SRGAP1: variants seen among roughly 807,000 people sequenced by gnomAD.
SRGAP1 encodes SLIT-ROBO Rho GTPase activating protein 1.
A neutral mutation model predicts 121.9 loss-of-function variants in SRGAP1; 43 were observed. The observed-to-expected ratio is 0.35, with a 90% CI of 0.28 to 0.46. The LOEUF (loss-of-function observed/expected upper bound fraction) is 0.46. Ranked by LOEUF, SRGAP1 falls within the 20% of genes least tolerant of loss-of-function variation. The pLI, the probability that SRGAP1 is intolerant of heterozygous loss-of-function variation, is 1.00. For missense variants in SRGAP1, 1,102 were observed against 1,350.9 expected, an observed-to-expected ratio of 0.82 and a Z score of 2.89; for synonymous variants, 447 against 485.4, an observed-to-expected ratio of 0.92 and a Z score of 1.04.
At chr12:63,949,881 C>G (rs1158136065) in intron 1 of SRGAP1, among the ~76,000 whole-genome samples, 2 of 152,148 alleles carry the variant, frequency 1.3e-5, no homozygotes, top group East Asian at 3.8e-4. Context: ...GGAATCCAAA[C>G]TAATATACAC....
At chr12:63,952,747 A>G (rs2032338564) in intron 1 of SRGAP1, among the ~76,000 whole-genome samples, 1 of 152,186 alleles carries the variant, frequency 6.6e-6, no homozygotes. Context: ...GAGGTGCTGA[A>G]TAAACCTAAA....
At chr12:63,943,796 A>T (rs1303695601) in intron 1 of SRGAP1, among the ~76,000 whole-genome samples, 1 of 152,208 alleles carries the variant, frequency 6.6e-6, no homozygotes, top group African/African-American at 2.4e-5. Flanking sequence ...GCCAACCAAC[A>T]TTTAGGTGAT....
intron 1 of SRGAP1, among the ~76,000 whole-genome samples, chr12:63,949,008 A>G (rs57575555): frequency 9.1e-5 from 9 of 98,758 alleles, no homozygotes; most frequent in African/African-American, 3.1e-4. Context: ...TTCCATATAT[A>G]TATTCATATA....
chr12:64,056,072 T>C (rs1051589408), intron 6 of SRGAP1, among the ~76,000 whole-genome samples: 4 of 152,156 alleles, frequency 2.6e-5, no homozygotes, highest in African/African-American at 9.7e-5. Context: ...ACAACATTCT[T>C]CTTAGTCATG....
chr12:64,095,228 A>G (rs751135726), intron 14 of SRGAP1, 24 bp downstream of exon 14: 2 of 1,603,698 alleles, frequency 1.2e-6, no homozygotes, highest in South Asian at 2.2e-5. Flanking sequence ...TATCCCTATA[A>G]GCAAACCACG....
intron 3 of SRGAP1, among the ~76,000 whole-genome samples, chr12:63,995,975 T>G (rs1443403008): frequency 6.6e-6 from 1 of 150,826 alleles, no homozygotes; most frequent in Non-Finnish European, 1.5e-5. Flanking sequence ...TAGAAGTTAA[T>G]AAAAGATACC....
chr12:64,150,949 A>C lies in SRGAP1; in HGVS notation c.*8277A>C, dbSNP rs1284066881. The C allele has an allele frequency of 1.3e-5, 2 of 148,340 alleles. No homozygotes were observed. The highest frequency in any genetic ancestry group is 4.9e-5 in the African/African-American group (2 of 40,896). The allele number at this position is 148,340 out of a possible 1,614,324, so 9.2% of individuals were successfully genotyped here. On this transcript the variant is annotated 3_prime_UTR_variant, in exon 22 of 22. Transcript: ENST00000355086. ...GAAGCTATCTCAAAAAAAAAAAAAA[A>C]AAAAAAAAAAACATGGTCAAGATTT... is the stretch of plus-strand genomic sequence containing the variant.
rs143064154 is a variant in SRGAP1 at position 64,153,859 on chromosome 12, C to G, written c.*11187C>G. The G allele has an allele frequency of 6.6e-6, 1 of 152,152 alleles. No individual in the cohort carries two copies. Among genetic ancestry groups the G allele is most frequent in the East Asian group, 1.9e-4 (1 of 5,198 alleles). The allele number at this position is 152,152 out of a possible 1,614,324, so 9.4% of individuals were successfully genotyped here. The stretch of plus-strand genomic sequence containing the variant: ...AGAGATATTTGCACACTCATGTTCA[C>G]GCAGCTTAATTCACAATAGCCACAA... On this transcript the variant is annotated 3_prime_UTR_variant, in exon 22 of 22. Coordinates refer to ENST00000355086, the MANE Select transcript of SRGAP1 (RefSeq NM_020762.4).
chr12:64,155,094 G>A lies in SRGAP1; in HGVS notation c.*12422G>A, dbSNP rs2037153574. The A allele has an allele frequency of 6.6e-6, 1 of 151,734 alleles. No individual in the cohort carries two copies. Among genetic ancestry groups the A allele is most frequent in the Admixed American group, 6.6e-5 (1 of 15,228 alleles). The allele number at this position is 151,734 out of a possible 1,614,324, so 9.4% of individuals were successfully genotyped here. A position where few individuals can be genotyped will look rare whatever the true frequency, so the allele number is the denominator to read the frequency against. On this transcript the variant is annotated 3_prime_UTR_variant, in exon 22 of 22. Coordinates refer to ENST00000355086, the MANE Select transcript of SRGAP1 (RefSeq NM_020762.4). ...GAGTCTCACTCTGTCACCCAGGCTG[G>A]AGTGCAGTGGCATGATCTTGGCTCA...
chr12:64,017,705 C>T (rs1015760798), intron 4 of SRGAP1, among the ~76,000 whole-genome samples: 5 of 150,674 alleles, frequency 3.3e-5, no homozygotes, highest in Admixed American at 1.3e-4. Context: ...ATTTAGGTTG[C>T]GTTATTCTGG....
At chr12:63,891,293 C>G (rs1032702922) in intron 1 of SRGAP1, among the ~76,000 whole-genome samples, 1 of 152,218 alleles carries the variant, frequency 6.6e-6, no homozygotes, top group Non-Finnish European at 1.5e-5. Flanking sequence ...ACTGCCTGTC[C>G]TACGGGTGTG....
chr12:64,086,725 A>G (rs1374352910), intron 10 of SRGAP1, among the ~76,000 whole-genome samples: 24 of 104,000 alleles, frequency 2.3e-4, no homozygotes, highest in Non-Finnish European at 3.8e-5. Context: ...CTTTTCTGAA[A>G]AAAAAAAAAA....
intron 16 of SRGAP1, among the ~76,000 whole-genome samples, chr12:64,109,468 A>G (rs2036398424): frequency 6.6e-6 from 1 of 152,230 alleles, no homozygotes; most frequent in African/African-American, 2.4e-5. Context: ...CAGATCCAAA[A>G]AAGAATTTCT....
chr12:64,112,687 A>G (rs532558565), intron 17 of SRGAP1, among the ~76,000 whole-genome samples: 40 of 152,340 alleles, frequency 2.6e-4, no homozygotes, highest in African/African-American at 9.1e-4. Flanking sequence ...TAATGCTACA[A>G]TAAATATGGG....
chr12:64,107,326 G>C (rs964990266), intron 15 of SRGAP1, among the ~76,000 whole-genome samples: 1 of 152,140 alleles, frequency 6.6e-6, no homozygotes, highest in African/African-American at 2.4e-5. Context: ...AGAATCTCAG[G>C]CATCAGCATT....
intron 2 of SRGAP1, among the ~76,000 whole-genome samples, chr12:63,988,793 A>G (rs769069558): frequency 6.6e-6 from 1 of 152,206 alleles, no homozygotes; most frequent in Non-Finnish European, 1.5e-5. Flanking sequence ...CTTTTTAAAG[A>G]AAAAACAAAC....
chr12:64,031,818 G>A (rs1375998874), intron 4 of SRGAP1, among the ~76,000 whole-genome samples: 1 of 152,122 alleles, frequency 6.6e-6, no homozygotes, highest in African/African-American at 2.4e-5. Context: ...GAGGTATAAA[G>A]TTAGATTTGA....
intron 4 of SRGAP1, among the ~76,000 whole-genome samples, chr12:64,020,758 G>T (rs550358439): frequency 6.7e-6 from 1 of 149,520 alleles, no homozygotes; most frequent in African/African-American, 2.5e-5. Context: ...CAGGACAATC[G>T]CTTGAACCCA....
intron 4 of SRGAP1, among the ~76,000 whole-genome samples, chr12:64,025,342 GA>G (rs1234011920): frequency 6.6e-6 from 1 of 152,150 alleles, no homozygotes; most frequent in Non-Finnish European, 1.5e-5. Context: ...AGGCAAGGTT[GA>G]AAAGTCATTC....
Sources: gnomAD v4.1 joint callset for allele counts (sites outside exome capture counted in the v4.1 genomes callset) on GRCh38, gnomAD v4.1.1 for gene constraint, MANE v1.5 for transcripts, NCBI Gene and HGNC (gene_info 2026-07-23, HGNC 2026-07-21) for gene names.